UBAC2: variants seen among roughly 807,000 people sequenced by gnomAD.
The protein encoded by UBAC2 is UBA domain containing 2, also known as ubiquitin-associated domain-containing protein 2.
UBAC2 carries 26 observed loss-of-function variants against 44.0 expected under a neutral mutation model. The observed-to-expected ratio is 0.59, with a 90% CI of 0.43 to 0.82. The LOEUF (loss-of-function observed/expected upper bound fraction) is 0.82, where lower values mean the gene tolerates loss of function less well. Among genes scored for constraint, UBAC2 ranks in the 40% least tolerant of loss-of-function variants. UBAC2 has a pLI of 0.00. For synonymous variants in UBAC2, 155 were observed against 154.3 expected (o/e 1.00, Z -0.04); for missense variants, 329 against 419.4 (o/e 0.78, Z 1.88).
At chr13:99,377,900 G>A (rs1473302561) in intron 8 of UBAC2, among the ~76,000 whole-genome samples, 1 of 152,182 alleles carries the variant, frequency 6.6e-6, no homozygotes, top group Non-Finnish European at 1.5e-5. Context: ...GGTCACACGG[G>A]GCCAACTCCA....
chr13:99,365,702 TTAAATG>T (rs1191367721), intron 7 of UBAC2, among the ~76,000 whole-genome samples: 5 of 152,192 alleles, frequency 3.3e-5, no homozygotes, highest in Non-Finnish European at 5.9e-5. Context: ...TGTAAATACT[TTAAATG>T]TAATGGAAAA....
intron 4 of UBAC2, among the ~76,000 whole-genome samples, chr13:99,254,061 G>C (rs1267917181): frequency 6.6e-6 from 1 of 152,066 alleles, no homozygotes; most frequent in African/African-American, 2.4e-5. Context: ...GAAATCCAAG[G>C]TTCCTACTAG....
chr13:99,280,845 C>T (rs1450812835), intron 4 of UBAC2, among the ~76,000 whole-genome samples: 1 of 152,070 alleles, frequency 6.6e-6, no homozygotes, highest in Non-Finnish European at 1.5e-5. Context: ...CTCTCTCTCT[C>T]TCTCTCTCTT....
At chr13:99,306,454 C>T (rs973557511) in intron 4 of UBAC2, among the ~76,000 whole-genome samples, 2 of 152,058 alleles carry the variant, frequency 1.3e-5, no homozygotes, top group Admixed American at 6.6e-5. Flanking sequence ...TTTCAGAGCC[C>T]TTGCTCTTAT....
intron 4 of UBAC2, among the ~76,000 whole-genome samples, chr13:99,270,214 A>T (rs890607368): frequency 5.3e-5 from 8 of 152,238 alleles, no homozygotes; most frequent in African/African-American, 1.9e-4. Flanking sequence ...TAATAGTAAC[A>T]TTAAAGAAAA....
chr13:99,351,012 T>G (rs1460155074), intron 7 of UBAC2, among the ~76,000 whole-genome samples: 4 of 152,202 alleles, frequency 2.6e-5, no homozygotes, highest in Non-Finnish European at 5.9e-5. Flanking sequence ...CAGTGTTGTT[T>G]TTCTTCAGAG....
At chr13:99,257,761 C>T (rs868403811) in intron 4 of UBAC2, among the ~76,000 whole-genome samples, 5 of 152,160 alleles carry the variant, frequency 3.3e-5, no homozygotes, top group Non-Finnish European at 7.3e-5. Context: ...ATGTGATGAA[C>T]ATTCCTAAAT....
chr13:99,227,976 G>T lies in UBAC2; in HGVS notation c.32-10451G>T, dbSNP rs764667251. ...AGAAAATCAGTGGAAATGCTGGTCA[G>T]TGGAGAGTGTCACCTTGAGACTTGA... On this transcript the variant is annotated intron_variant, in intron 1 of 8. Coordinates refer to ENST00000403766, the MANE Select transcript of UBAC2 (RefSeq NM_001144072.2). Among the ~76,000 whole-genome samples the T allele has an allele frequency of 2.0e-5, 3 of 152,352 alleles. No individual in the cohort carries two copies. The Middle Eastern group carries it at 0.01, about 518-fold the overall frequency.
chr13:99,354,062 G>A (rs1566518373), intron 7 of UBAC2, among the ~76,000 whole-genome samples: 1 of 152,272 alleles, frequency 6.6e-6, no homozygotes, highest in Admixed American at 6.5e-5. Flanking sequence ...CCTGTTCACA[G>A]GGGATGCAGG....
At chr13:99,348,247 C>T (rs576294985) in intron 7 of UBAC2, among the ~76,000 whole-genome samples, 5 of 152,316 alleles carry the variant, frequency 3.3e-5, no homozygotes, top group South Asian at 4.1e-4. Context: ...TAAGACGCCG[C>T]CTGCGCCTTC....
intron 7 of UBAC2, among the ~76,000 whole-genome samples, chr13:99,350,884 A>C (rs2045075129): frequency 6.6e-6 from 1 of 152,180 alleles, no homozygotes; most frequent in Admixed American, 6.5e-5. Context: ...GGATTGAGTT[A>C]AATTATAGGA....
intron 4 of UBAC2, among the ~76,000 whole-genome samples, chr13:99,283,363 T>C (rs1282564889): frequency 6.6e-6 from 1 of 152,192 alleles, no homozygotes; most frequent in Non-Finnish European, 1.5e-5. Context: ...AGGAAAAATA[T>C]GGAGTAACAT....
intron 1 of UBAC2, among the ~76,000 whole-genome samples, chr13:99,216,955 C>T (rs763830277): frequency 7.9e-5 from 12 of 151,740 alleles, no homozygotes; most frequent in South Asian, 2.1e-4. Flanking sequence ...CTCAGCCTCC[C>T]GAGTAGCTGG....
chr13:99,353,504 A>T (rs2045128051), intron 7 of UBAC2, among the ~76,000 whole-genome samples: 1 of 152,242 alleles, frequency 6.6e-6, no homozygotes, highest in Non-Finnish European at 1.5e-5. Flanking sequence ...GTACAGTCTC[A>T]TGATACCTCA....
intron 4 of UBAC2, chr13:99,296,279 A>G (rs2044171965): frequency 8.3e-6 from 6 of 722,386 alleles, no homozygotes; most frequent in Non-Finnish European, 1.2e-5. Context: ...TGTCTTTTAT[A>G]TATCTAAGTT....
intron 1 of UBAC2, chr13:99,215,621 AT>A: frequency 7.6e-7 from 1 of 1,323,080 alleles, no homozygotes; most frequent in Middle Eastern, 2.5e-4. Context: ...TTGCACCCAC[AT>A]GTCTGTGACC....
At chr13:99,223,542 G>GTTTTTTT (rs145143990) in intron 1 of UBAC2, among the ~76,000 whole-genome samples, 15 of 62,444 alleles carry the variant, frequency 2.4e-4, no homozygotes, top group African/African-American at 5.7e-4. Context: ...CTCTTTTTCT[G>GTTTTTTT]TTTTTTTTTT....
At chr13:99,319,547 C>T (rs957046887) in intron 6 of UBAC2, among the ~76,000 whole-genome samples, 2 of 152,182 alleles carry the variant, frequency 1.3e-5, no homozygotes, top group African/African-American at 4.8e-5. Context: ...TTAAAATTCA[C>T]GCCTTTGTTC....
chr13:99,254,009 T>G (rs1170118401), intron 4 of UBAC2, among the ~76,000 whole-genome samples: 6 of 152,224 alleles, frequency 3.9e-5, no homozygotes, highest in Non-Finnish European at 8.8e-5. Flanking sequence ...ATAAGTTACT[T>G]GGTTTGTTAC....
Sources: gnomAD v4.1 joint callset for allele counts (sites outside exome capture counted in the v4.1 genomes callset) on GRCh38, gnomAD v4.1.1 for gene constraint, MANE v1.5 for transcripts, NCBI Gene and HGNC (gene_info 2026-07-23, HGNC 2026-07-21) for gene names.